MCTP1: variants seen among roughly 807,000 people sequenced by gnomAD.
MCTP1 encodes multiple C2 and transmembrane domain-containing protein 1.
In MCTP1, 69 loss-of-function variants were observed where a neutral mutation model predicts 120.6. The observed-to-expected ratio is 0.57, with a 90% CI of 0.47 to 0.70. The LOEUF is 0.70. Ranked by LOEUF, MCTP1 falls within the 30% of genes least tolerant of loss-of-function variation. The pLI, the probability that MCTP1 is intolerant of heterozygous loss-of-function variation, is 0.00. For missense variants in MCTP1, 1,203 were observed against 1,248.8 expected (o/e 0.96, Z 0.55); for synonymous variants, 529 against 493.1 (o/e 1.07, Z -0.96).
chr5:95,226,505 GC>G (rs1562256250), intron 1 of MCTP1, among the ~76,000 whole-genome samples: 1 of 152,040 alleles, frequency 6.6e-6, no homozygotes. Flanking sequence ...TTGGTAAGTG[GC>G]CACACATCCA....
chr5:95,030,888 T>C (rs768093757), intron 1 of MCTP1, among the ~76,000 whole-genome samples: 1 of 151,426 alleles, frequency 6.6e-6, no homozygotes. Flanking sequence ...TGATATCCAA[T>C]AGAAAGCAGA....
intron 8 of MCTP1, 91 bp downstream of exon 8, chr5:94,917,805 G>T: frequency 1.1e-6 from 1 of 901,936 alleles, no homozygotes; most frequent in Non-Finnish European, 1.8e-6. Flanking sequence ...TTAGTATAGG[G>T]AGTGGGTTTT....
rs180849215 is a variant in MCTP1 at position 95,079,201 on chromosome 5, A to C, written c.721-61717T>G. Reference sequence around the variant, plus strand: ...CATTACAAATCTCAGCACTTATAACAACAGACTCTCCTGGTGAGTTCAAAA... The same window carrying C: ...CATTACAAATCTCAGCACTTATAACCACAGACTCTCCTGGTGAGTTCAAAA... On this transcript the variant is annotated intron_variant, in intron 1 of 22. Transcript: ENST00000515393. Among the ~76,000 whole-genome samples the C allele has an allele frequency of 1.4e-3, 219 of 152,256 alleles. 3 individuals are homozygous for C. The highest frequency in any genetic ancestry group is 5.0e-3 in the African/African-American group (206 of 41,544).
intron 1 of MCTP1, among the ~76,000 whole-genome samples, chr5:95,138,236 C>CCCCT (rs1554213180): frequency 6.7e-6 from 1 of 150,012 alleles, no homozygotes; most frequent in African/African-American, 2.4e-5. Context: ...AGATGCAACC[C>CCCCT]CCCCCCGACA....
chr5:94,898,569 G>A (rs991979786), intron 10 of MCTP1, among the ~76,000 whole-genome samples: 14 of 152,176 alleles, frequency 9.2e-5, no homozygotes, highest in African/African-American at 3.4e-4. Context: ...TGGCTCACCT[G>A]TACTGTTATG....
intron 3 of MCTP1, 34 bp from the exon 4 acceptor site, chr5:94,942,461 A>C (rs780369364): frequency 7.0e-7 from 1 of 1,427,282 alleles, no homozygotes; most frequent in South Asian, 1.1e-5. Flanking sequence ...CTTGTTATAA[A>C]TATCTCCAAT....
intron 17 of MCTP1, among the ~76,000 whole-genome samples, chr5:94,818,439 G>A (rs1784926776): frequency 6.6e-6 from 1 of 152,152 alleles, no homozygotes; most frequent in Non-Finnish European, 1.5e-5. Flanking sequence ...AGTGTTTCAG[G>A]TGATCAGCTA....
Position 95,284,291 on chromosome 5 carries a change from C to T in MCTP1, c.285G>A (p.Ser95=), listed in dbSNP as rs201358642. 5.0e-6 allele frequency: 8 copies of T among 1,596,692 alleles called. No homozygotes were observed. Among genetic ancestry groups the T allele is most frequent in the Non-Finnish European group, 6.8e-6 (8 of 1,178,786 alleles). The part of the protein sequence containing the change: ...KQVLDRVFSS[S]QPNLCCSSPE... Reference sequence around the variant, plus strand: ...GCGACGAGCAGCACAGGTTGGGCTGCGAGGAGGAGAAGACTCGGTCCAGCA... The same window carrying T: ...GCGACGAGCAGCACAGGTTGGGCTGTGAGGAGGAGAAGACTCGGTCCAGCA... The change falls in exon 1 of 23, where the codon TCG becomes TCA. Residue 95 remains serine (S), a synonymous_variant. Transcript: ENST00000515393. This position sits in a 1 kb window ranked among gnomAD's most constrained non-coding sequence, Gnocchi z 5.2.
At chr5:94,770,346 G>A (rs1773769881) in intron 19 of MCTP1, among the ~76,000 whole-genome samples, 1 of 152,208 alleles carries the variant, frequency 6.6e-6, no homozygotes, top group Non-Finnish European at 1.5e-5. Context: ...AAGGGGAATA[G>A]AAGAGGAAAT....
chr5:94,807,499 A>G (rs1269884186), intron 17 of MCTP1, among the ~76,000 whole-genome samples: 1 of 152,212 alleles, frequency 6.6e-6, no homozygotes, highest in Non-Finnish European at 1.5e-5. Context: ...ACTTGATTGA[A>G]GAGTAGGATA....
Position 94,873,252 on chromosome 5 carries a change from T to A in MCTP1, c.1934-11A>T, listed in dbSNP as rs761663382. On this transcript the variant is annotated splice_polypyrimidine_tract_variant and intron_variant, in intron 12 of 22. Transcript: ENST00000515393. Reference sequence around the variant, plus strand: ...ATGGGTCACTTTTTCCTACAAGAGATTTTTGGTAAATATTTTTAGTGTACA... The same window carrying A: ...ATGGGTCACTTTTTCCTACAAGAGAATTTTGGTAAATATTTTTAGTGTACA... 2 of 1,520,336 alleles carry A rather than the reference T, an allele frequency of 1.3e-6. No homozygotes were observed. Among genetic ancestry groups the A allele is most frequent in the South Asian group, 1.1e-5 (1 of 88,974 alleles). The allele number at this position is 1,520,336 out of a possible 1,614,324, so 94.2% of individuals were successfully genotyped here.
At chr5:94,922,351 A>AC (rs1289811362) in intron 7 of MCTP1, among the ~76,000 whole-genome samples, 27 of 152,204 alleles carry the variant, frequency 1.8e-4, no homozygotes, top group Non-Finnish European at 2.9e-4. Context: ...AACACTTGAA[A>AC]AAGTATTAAT....
At chr5:94,901,486 C>T (rs941170742) in intron 10 of MCTP1, among the ~76,000 whole-genome samples, 3 of 152,054 alleles carry the variant, frequency 2.0e-5, no homozygotes, top group Non-Finnish European at 2.9e-5. Context: ...TGTTCTTTCT[C>T]TCTCACTCCC....
At chr5:94,878,835 TA>T (rs35508836) in intron 12 of MCTP1, among the ~76,000 whole-genome samples, 6 of 151,368 alleles carry the variant, frequency 4.0e-5, no homozygotes, top group East Asian at 1.9e-4. Flanking sequence ...ACGTGTTAAT[TA>T]AAAAAAACAG....
intron 18 of MCTP1, chr5:94,792,967 TG>T (rs1168834025): frequency 6.6e-6 from 1 of 152,206 alleles, no homozygotes; most frequent in Admixed American, 6.5e-5. Context: ...AAGTATGTCC[TG>T]TTGTTATCTG....
intron 17 of MCTP1, among the ~76,000 whole-genome samples, chr5:94,845,132 A>T (rs1394583728): frequency 2.6e-5 from 4 of 152,236 alleles, no homozygotes; most frequent in Admixed American, 2.6e-4. Flanking sequence ...ATAAGCAAAA[A>T]GCAACCTGTA....
intron 2 of MCTP1, among the ~76,000 whole-genome samples, chr5:94,955,608 T>G (rs1822396611): frequency 6.6e-6 from 1 of 152,132 alleles, no homozygotes; most frequent in African/African-American, 2.4e-5. Flanking sequence ...TACTGAGGCT[T>G]GAGTAGGCAG....
At chr5:95,126,246 G>A (rs557700726) in intron 1 of MCTP1, among the ~76,000 whole-genome samples, 94 of 152,272 alleles carry the variant, frequency 6.2e-4, no homozygotes, top group African/African-American at 2.1e-3. Context: ...GTAAACTGAA[G>A]ACATCAGCTG....
At chr5:95,240,030 T>C (rs1048591711) in intron 1 of MCTP1, among the ~76,000 whole-genome samples, 3 of 152,148 alleles carry the variant, frequency 2.0e-5, no homozygotes, top group African/African-American at 7.2e-5. Context: ...CTCATCTGTA[T>C]TATTATTCTT....
Sources: allele counts gnomAD v4.1 joint callset (sites outside exome capture counted in the v4.1 genomes callset), GRCh38; gene constraint gnomAD v4.1.1; non-coding constraint Gnocchi (gnomAD v3.1); transcripts MANE v1.5; gene names NCBI Gene and HGNC (gene_info 2026-07-23, HGNC 2026-07-21).